WWC2: variants seen among roughly 807,000 people sequenced by gnomAD.
WWC2 encodes the protein protein WWC2.
A neutral mutation model predicts 138.5 loss-of-function variants in WWC2; 101 were observed. That is an observed-to-expected ratio of 0.73 (90% CI 0.62 to 0.86). The LOEUF is 0.86. Ranked by LOEUF, WWC2 falls within the 40% of genes least tolerant of loss-of-function variation. WWC2 has a pLI of 0.00. For synonymous variants in WWC2, 558 were observed against 538.4 expected (o/e 1.04, Z -0.50); for missense variants, 1,420 against 1,419.4 (o/e 1.00, Z -0.01).
At chr4:183,113,359 A>G (rs2152888088) in intron 1 of WWC2, among the ~76,000 whole-genome samples, 1 of 151,848 alleles carries the variant, frequency 6.6e-6, no homozygotes, top group East Asian at 2.0e-4. Context: ...AAAAACCACA[A>G]TTACTTTTGC....
At chr4:183,239,416 TAA>T in intron 4 of WWC2, among the ~76,000 whole-genome samples, 1 of 152,338 alleles carries the variant, frequency 6.6e-6, no homozygotes, top group Non-Finnish European at 1.5e-5. Flanking sequence ...AGTTTGTGAC[TAA>T]ACCAGGCGTG....
chr4:183,113,057 G>T lies in WWC2; in HGVS notation c.131+13435G>T, dbSNP rs148753118. Among the ~76,000 whole-genome samples the T allele has an allele frequency of 4.2e-3, 633 of 152,184 alleles. 4 individuals carry two copies. The highest frequency in any genetic ancestry group is 0.015 in the African/African-American group (605 of 41,526). ...GGAGGCCGAGGCAGGTGGATCACCT[G>T]AGGTCAGGAGTTCGAGACCAGCCTA... On this transcript the variant is annotated intron_variant, in intron 1 of 22. Transcript: ENST00000403733.
intron 1 of WWC2, among the ~76,000 whole-genome samples, chr4:183,120,157 C>T (rs1157641337): frequency 6.6e-6 from 1 of 151,990 alleles, no homozygotes; most frequent in South Asian, 2.1e-4. Context: ...CCTTTTTGGC[C>T]TTGTAGAGGA....
chr4:183,113,001 G>A (rs997840970), intron 1 of WWC2, among the ~76,000 whole-genome samples: 2 of 152,058 alleles, frequency 1.3e-5, no homozygotes, highest in Admixed American at 6.6e-5. Context: ...CGCCGGGCAC[G>A]GTGGCTCATG....
chr4:183,166,296 G>A (rs187263399), intron 1 of WWC2, among the ~76,000 whole-genome samples: 105 of 152,176 alleles, frequency 6.9e-4, no homozygotes, highest in Non-Finnish European at 8.2e-4. Context: ...TGGCATTCAG[G>A]GATGAGAATA....
At chr4:183,268,786 C>T (rs543533842) in intron 14 of WWC2, among the ~76,000 whole-genome samples, 185 bp from the exon 15 acceptor site, 20 of 152,234 alleles carry the variant, frequency 1.3e-4, no homozygotes, top group Non-Finnish European at 2.5e-4. Flanking sequence ...GTAGTCAGCT[C>T]GGGTGGGTTA....
chr4:183,301,245 T>C (rs1738831430), intron 21 of WWC2, among the ~76,000 whole-genome samples: 6 of 152,118 alleles, frequency 3.9e-5, no homozygotes, highest in East Asian at 3.9e-4. Flanking sequence ...TGAAAAATTA[T>C]CCATTTACTA....
At position 183,099,331 on chromosome 4, in the gene WWC2, C is replaced by A; in HGVS notation, c.-161C>A. On this transcript the variant is annotated 5_prime_UTR_variant, in exon 1 of 23. Coordinates refer to ENST00000403733, the MANE Select transcript of WWC2 (RefSeq NM_024949.6). ...GGGCCGCGAACAGCGTTTCCTGAGG[C>A]ACCTCCCGCGCGTGGTTCCGCCGCG... is the stretch of plus-strand genomic sequence containing the variant. 1.6e-6 allele frequency: 1 copy of A among 612,198 alleles called. No homozygotes were observed. Among genetic ancestry groups the A allele is most frequent in the Non-Finnish European group, 2.2e-6 (1 of 454,304 alleles). The allele number at this position is 612,198 out of a possible 1,614,324, so 37.9% of individuals were successfully genotyped here.
intron 18 of WWC2, 73 bp from the exon 19 acceptor site, chr4:183,284,153 T>C: frequency 6.4e-7 from 1 of 1,554,762 alleles, no homozygotes; most frequent in South Asian, 1.2e-5. Flanking sequence ...AGATATTTTT[T>C]CTTTCTTAGA....
At chr4:183,212,554 C>A (rs1213610332) in intron 4 of WWC2, among the ~76,000 whole-genome samples, 1 of 152,170 alleles carries the variant, frequency 6.6e-6, no homozygotes, top group Admixed American at 6.5e-5. Context: ...CACTTCTCAG[C>A]AAGTTATTAT....
At chr4:183,108,852 G>A (rs1354956750) in intron 1 of WWC2, among the ~76,000 whole-genome samples, 1 of 152,062 alleles carries the variant, frequency 6.6e-6, no homozygotes, top group African/African-American at 2.4e-5. Flanking sequence ...CTAGTGATCT[G>A]CCTGCCTCGG....
chr4:183,249,406 T>G (rs1736903627), intron 7 of WWC2, among the ~76,000 whole-genome samples: 1 of 152,238 alleles, frequency 6.6e-6, no homozygotes, highest in Admixed American at 6.5e-5. Flanking sequence ...CATTCCCATT[T>G]CTTTTCATAT....
In WWC2 at chr4:183,125,759, G is replaced by A. The variant is rs543046256; in HGVS notation, c.131+26137G>A. Among the ~76,000 whole-genome samples, 106 of 152,192 alleles carry A rather than the reference G, an allele frequency of 7.0e-4. 1 individual carries two copies. The highest frequency in any genetic ancestry group is 2.4e-3 in the African/African-American group (99 of 41,530). ...GTCTGTAGGTGTTTTATTTATCTTC[G>A]GTGTTCCAGAAGAATTCATGCTCAT... On this transcript the variant is annotated intron_variant, in intron 1 of 22. Transcript: ENST00000403733.
intron 1 of WWC2, among the ~76,000 whole-genome samples, chr4:183,125,520 C>T (rs1732731803): frequency 6.6e-6 from 1 of 152,068 alleles, no homozygotes. Flanking sequence ...GTACGTGTTC[C>T]GTTGTGAGAG....
chr4:183,285,895 T>C (rs1022895571), intron 19 of WWC2, 72 bp from the exon 20 acceptor site: 244 of 1,382,810 alleles, frequency 1.8e-4, no homozygotes, highest in Non-Finnish European at 2.4e-4. Context: ...TTGGTAAATG[T>C]CTCAATCCCA....
chr4:183,287,796 C>T (rs775019275), intron 20 of WWC2, among the ~76,000 whole-genome samples: 4 of 152,196 alleles, frequency 2.6e-5, no homozygotes, highest in Non-Finnish European at 4.4e-5. Context: ...GCACCCTCCT[C>T]ACGCTGGCTC....
intron 1 of WWC2, among the ~76,000 whole-genome samples, chr4:183,109,207 A>G (rs1239869097): frequency 6.6e-6 from 1 of 152,236 alleles, no homozygotes; most frequent in Non-Finnish European, 1.5e-5. Context: ...AAACAAACAA[A>G]CAAAAATAAA....
At chr4:183,159,733 A>T (rs1195296545) in intron 1 of WWC2, among the ~76,000 whole-genome samples, 3 of 151,570 alleles carry the variant, frequency 2.0e-5, no homozygotes, top group Non-Finnish European at 4.4e-5. Flanking sequence ...TTTTTTTAAA[A>T]AAAAAAAATT....
intron 1 of WWC2, among the ~76,000 whole-genome samples, chr4:183,180,485 C>T (rs1734597358): frequency 6.6e-6 from 1 of 150,742 alleles, no homozygotes. Flanking sequence ...AGCTTGAAGT[C>T]TATTTTATTT....
Sources: allele counts gnomAD v4.1 joint callset (sites outside exome capture counted in the v4.1 genomes callset), GRCh38; gene constraint gnomAD v4.1.1; transcripts MANE v1.5; gene names NCBI Gene and HGNC (gene_info 2026-07-23, HGNC 2026-07-21).